GRHL2: variants seen among roughly 807,000 people sequenced by gnomAD.
GRHL2 encodes the protein grainyhead like transcription factor 2.
GRHL2 carries 21 observed loss-of-function variants against 83.8 expected under a neutral mutation model. The ratio of observed to expected loss-of-function variants is 0.25; its 90% CI spans 0.18 to 0.36. The LOEUF (loss-of-function observed/expected upper bound fraction) is 0.36, where lower values mean the gene tolerates loss of function less well. Among genes scored for constraint, GRHL2 ranks in the 10% least tolerant of loss-of-function variants. GRHL2 has a pLI of 1.00. For synonymous variants in GRHL2, 280 were observed against 278.9 expected, an observed-to-expected ratio of 1.00 and a Z score of -0.04; for missense variants, 623 against 781.8, an observed-to-expected ratio of 0.80 and a Z score of 2.42.
intron 1 of GRHL2, among the ~76,000 whole-genome samples, chr8:101,536,729 T>C (rs551714211): frequency 6.6e-6 from 1 of 152,332 alleles, no homozygotes; most frequent in African/African-American, 2.4e-5. Context: ...TAGCTTAGTG[T>C]TGAAGACATT....
At position 101,639,662 on chromosome 8, in the gene GRHL2, T is replaced by G. The variant is rs117193053; in HGVS notation, c.1517+2734T>G. On this transcript the variant is annotated intron_variant, in intron 12 of 15. Transcript: ENST00000646743. Reference sequence around the variant, plus strand: ...CCTCCCTGAGATAACTTTCCAGCCTTGACAAAGGCACACCCTTGGTTCATT... The same window carrying G: ...CCTCCCTGAGATAACTTTCCAGCCTGGACAAAGGCACACCCTTGGTTCATT... 3.2e-3 allele frequency among the ~76,000 whole-genome samples: 480 copies of G among 152,352 alleles called. 8 individuals are homozygous for G. In the East Asian group the frequency reaches 0.056, roughly 18 times the overall value.
chr8:101,492,971 C>G (rs919661897), intron 1 of GRHL2, 182 bp downstream of exon 1: 2 of 657,382 alleles, frequency 3.0e-6, no homozygotes, highest in Non-Finnish European at 5.5e-6. Context: ...GGGAGAAACC[C>G]TACAACAATG....
intron 1 of GRHL2, among the ~76,000 whole-genome samples, chr8:101,538,904 A>G (rs1479446813): frequency 6.6e-6 from 1 of 152,246 alleles, no homozygotes; most frequent in Non-Finnish European, 1.5e-5. Flanking sequence ...TGTGAAAAGA[A>G]ACAGCTAATA....
At chr8:101,638,540 A>G (rs1374578947) in intron 12 of GRHL2, among the ~76,000 whole-genome samples, 1 of 152,222 alleles carries the variant, frequency 6.6e-6, no homozygotes, top group Non-Finnish European at 1.5e-5. Context: ...AACAGAGACC[A>G]TATGGCCTGC....
chr8:101,522,026 T>C (rs1040405017), intron 1 of GRHL2, among the ~76,000 whole-genome samples: 3 of 152,188 alleles, frequency 2.0e-5, no homozygotes, highest in Admixed American at 6.5e-5. Context: ...AAAACTTTGG[T>C]AGGAAGCTGT....
intron 14 of GRHL2, among the ~76,000 whole-genome samples, chr8:101,657,343 T>C (rs74887938): frequency 0.022 from 3,374 of 152,268 alleles, 133 homozygotes; most frequent in African/African-American, 0.076. Flanking sequence ...CATGAGGTTT[T>C]TGGGCAAAGA....
intron 12 of GRHL2, among the ~76,000 whole-genome samples, chr8:101,638,120 G>A (rs116815978): frequency 5.3e-4 from 81 of 152,236 alleles, no homozygotes; most frequent in African/African-American, 1.6e-3. Context: ...TCTTGGTTGC[G>A]TTACCTGTGT....
chr8:101,601,573 G>A (rs1186811160), intron 8 of GRHL2, among the ~76,000 whole-genome samples: 1 of 152,174 alleles, frequency 6.6e-6, no homozygotes, highest in Non-Finnish European at 1.5e-5. Context: ...GTATGAACAT[G>A]CATGTTGCTC....
chr8:101,517,762 T>G (rs910082261), intron 1 of GRHL2, among the ~76,000 whole-genome samples: 1 of 152,216 alleles, frequency 6.6e-6, no homozygotes, highest in Non-Finnish European at 1.5e-5. Context: ...GCATCACAAA[T>G]GTAATTAAGC....
At chr8:101,672,721 C>T (rs1228006121), downstream of GRHL2, among the ~76,000 whole-genome samples, 11 of 151,472 alleles carry the variant, frequency 7.3e-5, no homozygotes, top group Non-Finnish European at 1.5e-4. Context: ...AGATACTCCT[C>T]GAGAAGAGCA....
chr8:101,553,626 T>C (rs905337042), intron 3 of GRHL2, among the ~76,000 whole-genome samples: 6 of 122,594 alleles, frequency 4.9e-5, no homozygotes, highest in East Asian at 2.2e-4. Flanking sequence ...TCCACTTCTT[T>C]TTTTTTTTTT....
At chr8:101,664,409 G>A in intron 14 of GRHL2, 45 bp from the exon 15 acceptor site, 1 of 1,438,456 alleles carries the variant, frequency 7.0e-7, no homozygotes, top group African/African-American at 1.4e-5. Context: ...CCTCCAGTTG[G>A]GCGTCCTTCT....
intron 4 of GRHL2, among the ~76,000 whole-genome samples, chr8:101,566,613 T>A (rs1273155851): frequency 6.8e-6 from 1 of 148,138 alleles, no homozygotes; most frequent in Non-Finnish European, 1.5e-5. Flanking sequence ...TTATTATAAT[T>A]AATATAATTA....
At chr8:101,594,176 A>G (rs1423573873) in intron 7 of GRHL2, among the ~76,000 whole-genome samples, 1 of 151,498 alleles carries the variant, frequency 6.6e-6, no homozygotes, top group Non-Finnish European at 1.5e-5. Context: ...GAGATCGGAG[A>G]TCGGAGTCAC....
At chr8:101,541,108 C>T (rs904575774) in intron 1 of GRHL2, among the ~76,000 whole-genome samples, 4 of 151,148 alleles carry the variant, frequency 2.6e-5, no homozygotes, top group Admixed American at 6.6e-5. Context: ...TGCAAAAGAC[C>T]TCCTTTCATT....
rs1554599119 is a variant in GRHL2, at chr8:101,669,254, C to CTTTTTTTTTCTT, written c.*2560_*2561insCTTTTTTTTTTT. 1 of 126,626 alleles carries CTTTTTTTTTCTT rather than the reference C, an allele frequency of 7.9e-6. No individual in the cohort carries two copies. Among genetic ancestry groups the CTTTTTTTTTCTT allele is most frequent in the Admixed American group, 8.7e-5 (1 of 11,488 alleles). 7.8% of individuals were successfully genotyped at this position (126,626 alleles called of 1,614,324 possible). A position where few individuals can be genotyped will look rare whatever the true frequency, so the allele number is the denominator to read the frequency against. On this transcript the variant is annotated 3_prime_UTR_variant, in exon 16 of 16. Transcript: ENST00000646743. Reference sequence around the variant, plus strand: ...GGACATGTGAAATGAGCATTTTTTTCTTTTTTTTTTTTAACAAAGTCTGAA... The same window carrying CTTTTTTTTTCTT: ...GGACATGTGAAATGAGCATTTTTTTCTTTTTTTTTCTTTTTTTTTTTTTTAACAAAGTCTGAA...
At chr8:101,516,401 C>T (rs1335459224) in intron 1 of GRHL2, among the ~76,000 whole-genome samples, 1 of 146,184 alleles carries the variant, frequency 6.8e-6, no homozygotes, top group Non-Finnish European at 1.5e-5. Context: ...TTTCTTTTTA[C>T]CTCTTTTCCT....
rs1809981516 is a variant in GRHL2, at chr8:101,492,460, C to T, written c.-310C>T. The T allele has an allele frequency of 1.9e-6, 1 of 521,062 alleles. No homozygotes were observed. The highest frequency in any genetic ancestry group is 3.5e-6 in the Non-Finnish European group (1 of 287,798). 32.3% of individuals were successfully genotyped at this position (521,062 alleles called of 1,614,324 possible). On this transcript the variant is annotated 5_prime_UTR_variant, in exon 1 of 16. Transcript: ENST00000646743. ...TTGCGAGAAAGTTACCTGTGGCCGCCCAAGTCCGCCACTTTCTGCTCTGTG... is the reference window on the plus strand; with the variant it reads ...TTGCGAGAAAGTTACCTGTGGCCGCTCAAGTCCGCCACTTTCTGCTCTGTG...
intron 12 of GRHL2, among the ~76,000 whole-genome samples, chr8:101,640,119 C>A (rs1313761952): frequency 6.6e-6 from 1 of 152,206 alleles, no homozygotes; most frequent in Non-Finnish European, 1.5e-5. Flanking sequence ...ATCGAATCAC[C>A]TGGGGGTTTA....
Sources: gnomAD v4.1 joint callset for allele counts (sites outside exome capture counted in the v4.1 genomes callset) on GRCh38, gnomAD v4.1.1 for gene constraint, MANE v1.5 for transcripts, NCBI Gene and HGNC (gene_info 2026-07-23, HGNC 2026-07-21) for gene names.